Variants in STS observed in about 807,000 individuals in gnomAD.
STS encodes the protein steroid sulfatase.
STS carries 7 observed loss-of-function variants against 26.8 expected under a neutral mutation model. The ratio of observed to expected loss-of-function variants is 0.26; its 90% CI spans 0.15 to 0.49. The LOEUF (loss-of-function observed/expected upper bound fraction) is 0.49, where lower values mean the gene tolerates loss of function less well. Among genes scored for constraint, STS ranks in the 20% least tolerant of loss-of-function variants. STS has a pLI of 0.98. For missense variants in STS, 434 were observed against 465.6 expected (o/e 0.93, Z 0.63); for synonymous variants, 199 against 189.4 (o/e 1.05, Z -0.42).
At chrX:7,170,580 G>C (rs1044802767) in intron 1 of STS, among the ~76,000 whole-genome samples, 21 of 109,976 alleles carry the variant, frequency 1.9e-4, no homozygotes, top group Admixed American at 1.9e-4. Context: ...TGAGATTTCA[G>C]ATGTGCCCCA....
chrX:7,325,267 G>T, intron 8 of STS, 72 bp from the exon 9 acceptor site: 1 of 1,095,989 alleles, frequency 9.1e-7, no homozygotes. Flanking sequence ...GAGCACGAAA[G>T]AGTCCATTGA....
At chrX:7,262,411 G>A (rs1273255940) in intron 6 of STS, among the ~76,000 whole-genome samples, 2 of 111,317 alleles carry the variant, frequency 1.8e-5, no homozygotes, top group African/African-American at 6.5e-5. Flanking sequence ...ATGTAGACCA[G>A]GCCCCATGTC....
At chrX:7,218,350 C>G (rs1393865090) in intron 2 of STS, among the ~76,000 whole-genome samples, 1 of 112,301 alleles carries the variant, frequency 8.9e-6, no homozygotes, top group African/African-American at 3.2e-5. Context: ...GTGTTTTATC[C>G]TCCATTCTTC....
chrX:7,350,263 A>C lies in STS; in HGVS notation c.*2A>C. The C allele has an allele frequency of 8.3e-7, 1 of 1,206,165 alleles. No individual in the cohort carries two copies. The highest frequency in any genetic ancestry group is 1.1e-6 in the Non-Finnish European group (1 of 892,971). On this transcript the variant is annotated 3_prime_UTR_variant, in exon 11 of 11. Coordinates refer to ENST00000674429, the MANE Select transcript of STS (RefSeq NM_001320752.2). ...CAGGATAAGAGACTGAGCCGCTAGCAGCGCCTGGGGACCAGACAGACGCAT... is the reference window on the plus strand; with the variant it reads ...CAGGATAAGAGACTGAGCCGCTAGCCGCGCCTGGGGACCAGACAGACGCAT...
intron 9 of STS, among the ~76,000 whole-genome samples, chrX:7,332,025 C>G (rs1405997315): frequency 9.1e-6 from 1 of 110,453 alleles, no homozygotes; most frequent in East Asian, 2.8e-4. Flanking sequence ...AATTATAAGA[C>G]TTGGAGTCTT....
intron 8 of STS, among the ~76,000 whole-genome samples, chrX:7,323,451 C>G (rs1351197477): frequency 9.0e-6 from 1 of 111,178 alleles, no homozygotes; most frequent in African/African-American, 3.3e-5. Flanking sequence ...GTTTAGCTCC[C>G]ACTTATAAGT....
intron 7 of STS, among the ~76,000 whole-genome samples, chrX:7,281,829 T>G (rs1360660772): frequency 8.9e-6 from 1 of 112,422 alleles, no homozygotes; most frequent in Non-Finnish European, 1.9e-5. Context: ...TGGATTAAAA[T>G]GATTGTGAAA....
At chrX:7,254,021 T>C (rs1311518064) in intron 3 of STS, among the ~76,000 whole-genome samples, 1 of 111,776 alleles carries the variant, frequency 8.9e-6, no homozygotes, top group African/African-American at 3.3e-5. Context: ...GCTCTCTGGG[T>C]CCCTTTTATA....
At position 7,350,460 on chromosome X, in the gene STS, T is replaced by C. The variant is rs1483459900; in HGVS notation, c.*199T>C. On this transcript the variant is annotated 3_prime_UTR_variant, in exon 11 of 11. Transcript: ENST00000674429. ...GGTGAGGGGGATAAGGTCTGTAGTA[T>C]ACAGACAGGAAGATGGTAGGTTTAT... 4 of 499,168 alleles carry C rather than the reference T, an allele frequency of 8.0e-6. No individual in the cohort carries two copies. Among genetic ancestry groups the C allele is most frequent in the Non-Finnish European group, 9.7e-6 (3 of 308,517 alleles). 41.1% of individuals were successfully genotyped at this position (499,168 alleles called of 1,213,427 possible).
At chrX:7,149,860 A>C (rs1201667456) in intron 1 of STS, among the ~76,000 whole-genome samples, 2 of 111,340 alleles carry the variant, frequency 1.8e-5, no homozygotes, top group East Asian at 5.6e-4. Context: ...TTCTCCTTTT[A>C]TAAGAACACG....
At chrX:7,249,586 G>A (rs1427757821) in intron 2 of STS, among the ~76,000 whole-genome samples, 1 of 111,565 alleles carries the variant, frequency 9.0e-6, no homozygotes, top group African/African-American at 3.3e-5. Context: ...GGAACTGCTC[G>A]AGTAATTAGA....
At chrX:7,340,083 A>T (rs893425747) in intron 10 of STS, among the ~76,000 whole-genome samples, 1 of 108,929 alleles carries the variant, frequency 9.2e-6, no homozygotes, top group African/African-American at 3.3e-5. Context: ...GCGCCAAAAA[A>T]CTTGGTGTGG....
intron 6 of STS, among the ~76,000 whole-genome samples, chrX:7,268,097 A>G (rs1316952015): frequency 9.0e-6 from 1 of 110,576 alleles, no homozygotes; most frequent in African/African-American, 3.3e-5. Context: ...AGTATCAGTA[A>G]TCAAGGGGTG....
chrX:7,323,696 C>A (rs903734742), intron 8 of STS, among the ~76,000 whole-genome samples: 1 of 111,715 alleles, frequency 9.0e-6, no homozygotes, highest in African/African-American at 3.3e-5. Context: ...GTAAAGGTAT[C>A]TTTTTGGTAG....
intron 2 of STS, among the ~76,000 whole-genome samples, chrX:7,191,757 C>A (rs1933877931): frequency 9.3e-6 from 1 of 107,434 alleles, no homozygotes; most frequent in South Asian, 4.2e-4. Context: ...TTCATCCCTG[C>A]AGGAGGAGCT....
chrX:7,239,168 A>T (rs1163202869), intron 2 of STS, among the ~76,000 whole-genome samples: 4 of 111,774 alleles, frequency 3.6e-5, no homozygotes, highest in Non-Finnish European at 7.5e-5. Flanking sequence ...GAAAAATCAC[A>T]AGTGATTTAA....
At chrX:7,264,928 T>A (rs1188739657) in intron 6 of STS, among the ~76,000 whole-genome samples, 1 of 111,207 alleles carries the variant, frequency 9.0e-6, no homozygotes, top group Non-Finnish European at 1.9e-5. Flanking sequence ...TCTAGTAAGG[T>A]GCACATAGAT....
chrX:7,319,984 A>G (rs1926901493), intron 8 of STS, among the ~76,000 whole-genome samples: 1 of 90,402 alleles, frequency 1.1e-5, no homozygotes, highest in Admixed American at 1.4e-4. Flanking sequence ...ATATGTATAT[A>G]TATTTATATA....
At chrX:7,164,719 C>T (rs780146328) in intron 1 of STS, among the ~76,000 whole-genome samples, 1 of 109,289 alleles carries the variant, frequency 9.2e-6, no homozygotes, top group African/African-American at 3.3e-5. Flanking sequence ...AAAAAGAAAA[C>T]AAAAGTACAA....
Sources: gnomAD v4.1 joint callset for allele counts (sites outside exome capture counted in the v4.1 genomes callset) on GRCh38, gnomAD v4.1.1 for gene constraint, MANE v1.5 for transcripts, NCBI Gene and HGNC (gene_info 2026-07-23, HGNC 2026-07-21) for gene names.